FNIP2: variants seen among roughly 807,000 people sequenced by gnomAD.
FNIP2 encodes folliculin interacting protein 2, also known as folliculin-interacting protein 2.
Under a neutral mutation model 108.7 loss-of-function variants are expected in FNIP2, and 32 were observed. The observed-to-expected ratio is 0.29, with a 90% CI of 0.22 to 0.40. The LOEUF (loss-of-function observed/expected upper bound fraction) is 0.40, where lower values mean the gene tolerates loss of function less well. FNIP2 is among the 10% of genes least tolerant of loss of function. The pLI, the probability that FNIP2 is intolerant of heterozygous loss-of-function variation, is 1.00. For synonymous variants in FNIP2, 480 were observed against 496.7 expected (o/e 0.97, Z 0.45); for missense variants, 1,202 against 1,381.6 (o/e 0.87, Z 2.06).
In FNIP2 at chr4:158,861,434, G is replaced by T. The variant is rs745570175; in HGVS notation, c.1241G>T (p.Cys414Phe). Reference protein sequence around the residue: ...MSGTLEKNQLCQRFLKEFTLL... With the variant: ...MSGTLEKNQLFQRFLKEFTLL... ...GGCACTTTGGAAAAAAACCAGCTCT[G>T]CCAGCGCTTTCTCAAGGAGTTTACA... is the stretch of plus-strand genomic sequence containing the variant. Residue 414 changes from cysteine to phenylalanine, a missense_variant, in exon 11 of 17, where the codon TGC (cysteine) becomes TTC (phenylalanine). This residue lies in a region of FNIP2 where 878 missense variants were observed against 990.3 expected (regional missense o/e 0.89). Transcript: ENST00000264433. The T allele has an allele frequency of 1.2e-6, 2 of 1,614,000 alleles. No homozygotes were observed. Among genetic ancestry groups the T allele is most frequent in the Admixed American group, 1.7e-5 (1 of 60,028 alleles).
rs760448028 is a variant in FNIP2 at position 158,833,724 on chromosome 4, T to TG, written c.655+97dup. Reference sequence around the variant, plus strand: ...TGAGTTTGTCGTGGGTTTTTTTTTTTGCGTTATCTTTAATCTGTGTTTATT... The same window carrying TG: ...TGAGTTTGTCGTGGGTTTTTTTTTTTGGCGTTATCTTTAATCTGTGTTTATT... On this transcript the variant is annotated intron_variant, in intron 6 of 16. Coordinates refer to ENST00000264433, the MANE Select transcript of FNIP2 (RefSeq NM_020840.3). 8 of 1,441,854 alleles carry TG rather than the reference T, an allele frequency of 5.5e-6. No homozygotes were observed. The South Asian group carries it at 8.4e-5, about 15-fold the overall frequency. 89.3% of individuals were successfully genotyped at this position (1,441,854 alleles called of 1,614,324 possible).
Position 158,861,342 on chromosome 4 carries a change from A to G in FNIP2, c.1149A>G (p.Arg383=), listed in dbSNP as rs148564109. 1,908 of 1,612,584 alleles carry G rather than the reference A, an allele frequency of 1.2e-3. 14 individuals carry two copies. In the African/African-American group the frequency reaches 0.021, roughly 18 times the overall value. The change falls in exon 11 of 17, where the codon AGA becomes AGG. Residue 383 remains arginine (R), a splice_region_variant and synonymous_variant. Coordinates refer to ENST00000264433, the MANE Select transcript of FNIP2 (RefSeq NM_020840.3). ...SRLMEALGEF[R]GTIWNLYSVP... ...GTTTCCCTCTCTTTCTGTTCTATAG[A>G]GGAACTATCTGGAACTTATATTCTG...
At chr4:158,830,090 C>G (rs1778383598) in intron 3 of FNIP2, among the ~76,000 whole-genome samples, 1 of 151,846 alleles carries the variant, frequency 6.6e-6, no homozygotes, top group Non-Finnish European at 1.5e-5. Flanking sequence ...CCTTGTACCC[C>G]AAGAAAAAGC....
chr4:158,890,879 G>A (rs1042800732), intron 14 of FNIP2, among the ~76,000 whole-genome samples: 9 of 152,152 alleles, frequency 5.9e-5, no homozygotes, highest in Non-Finnish European at 1.3e-4. Context: ...AATTCCCAGG[G>A]AAGGAGCATC....
intron 14 of FNIP2, among the ~76,000 whole-genome samples, chr4:158,888,914 A>G (rs1013332567): frequency 3.9e-5 from 6 of 152,034 alleles, no homozygotes; most frequent in African/African-American, 1.4e-4. Context: ...TGGAGGCCAA[A>G]TGTAGTGGCT....
At chr4:158,789,620 T>A (rs1776337256) in intron 1 of FNIP2, among the ~76,000 whole-genome samples, 1 of 152,190 alleles carries the variant, frequency 6.6e-6, no homozygotes, top group Non-Finnish European at 1.5e-5. Flanking sequence ...ATTGTTAGAG[T>A]ACAAGAATGA....
chr4:158,901,718 G>A (rs1010613832), intron 16 of FNIP2, among the ~76,000 whole-genome samples: 5 of 151,484 alleles, frequency 3.3e-5, no homozygotes, highest in Admixed American at 2.6e-4. Flanking sequence ...TTGTCTTCAC[G>A]CTTTATTTCA....
intron 7 of FNIP2, among the ~76,000 whole-genome samples, chr4:158,838,237 T>A (rs1778919528): frequency 6.6e-6 from 1 of 150,520 alleles, no homozygotes; most frequent in East Asian, 1.9e-4. Flanking sequence ...TGCTTTTTTT[T>A]TTTTTTTTTT....
intron 1 of FNIP2, among the ~76,000 whole-genome samples, chr4:158,805,768 A>C (rs531205526): frequency 2.0e-5 from 3 of 152,360 alleles, no homozygotes; most frequent in Admixed American, 6.5e-5. Flanking sequence ...AAGTCACTGC[A>C]TTGCCCAGAG....
intron 1 of FNIP2, among the ~76,000 whole-genome samples, chr4:158,799,605 C>T (rs1428003679): frequency 2.0e-5 from 3 of 152,204 alleles, no homozygotes; most frequent in Non-Finnish European, 4.4e-5. Context: ...GCTCAGCTTC[C>T]AACTTCTTAA....
At position 158,835,450 on chromosome 4, in the gene FNIP2, A is replaced by G; in HGVS notation, c.701A>G (p.Asp234Gly). The G allele has an allele frequency of 1.2e-6, 2 of 1,612,634 alleles. No homozygotes were observed. Among genetic ancestry groups the G allele is most frequent in the Non-Finnish European group, 1.7e-6 (2 of 1,179,076 alleles). The change falls in exon 7 of 17, where the codon GAC (aspartate) becomes GGC (glycine). Residue 234 changes from aspartate to glycine, a missense_variant. Physicochemically the swap from Asp to Gly is moderately conservative, Grantham distance 94 (BLOSUM62 -1). Around this residue, in one of 5 missense-constraint regions of FNIP2, gnomAD observed 878 missense variants for 990.3 expected, o/e 0.89. Coordinates refer to ENST00000264433, the MANE Select transcript of FNIP2 (RefSeq NM_020840.3). ...ATGCCAAGCAGAGGACAGAATGAAG[A>G]CAGGGACAGTGGCATTGCTCGATCA... The part of the protein sequence containing the change: ...VDMPSRGQNE[D>G]RDSGIARSAS...
At chr4:158,804,726 G>A (rs906196157) in intron 1 of FNIP2, among the ~76,000 whole-genome samples, 1 of 152,140 alleles carries the variant, frequency 6.6e-6, no homozygotes, top group Non-Finnish European at 1.5e-5. Context: ...GCTTGTATAA[G>A]TAATCTTTTG....
At chr4:158,883,220 C>T (rs1329890725) in intron 14 of FNIP2, among the ~76,000 whole-genome samples, 1 of 151,148 alleles carries the variant, frequency 6.6e-6, no homozygotes, top group Admixed American at 6.6e-5. Flanking sequence ...TGCCTGTTCC[C>T]TTTGTGTGTG....
At chr4:158,900,901 CGTTA>C (rs1729175428) in intron 16 of FNIP2, among the ~76,000 whole-genome samples, 1 of 152,074 alleles carries the variant, frequency 6.6e-6, no homozygotes. Flanking sequence ...TTTTTTTGCC[CGTTA>C]GTTGATGCAG....
At chr4:158,901,502 T>G (rs146995206) in intron 16 of FNIP2, among the ~76,000 whole-genome samples, 2,487 of 152,180 alleles carry the variant, frequency 0.016, 23 homozygotes, top group Non-Finnish European at 0.028. Context: ...CTTTGTGGTG[T>G]TCTCTGTATT....
Position 158,869,236 on chromosome 4 carries a change from G to A in FNIP2, c.2600G>A (p.Gly867Asp), listed in dbSNP as rs1780781124. ...CAGCGGGGCCCTGGCCTCGTGGCTG[G>A]TGCGAATATCCCCTGTGGGGATGAC... Reference protein sequence around the residue: ...CVQRGPGLVAGANIPCGDDNK... With the variant: ...CVQRGPGLVADANIPCGDDNK... Residue 867 changes from glycine to aspartate, a missense_variant, in exon 13 of 17, where the codon GGT becomes GAT. This residue lies in a region of FNIP2 where 878 missense variants were observed against 990.3 expected (regional missense o/e 0.89). Transcript: ENST00000264433. 3.7e-6 allele frequency: 6 copies of A among 1,614,064 alleles called. No individual in the cohort carries two copies. The highest frequency in any genetic ancestry group is 5.1e-6 in the Non-Finnish European group (6 of 1,179,894).
intron 14 of FNIP2, among the ~76,000 whole-genome samples, chr4:158,873,553 A>T (rs1286811817): frequency 6.6e-6 from 1 of 152,160 alleles, no homozygotes; most frequent in East Asian, 1.9e-4. Flanking sequence ...TTTTTCTCTC[A>T]TTGAGAGATT....
intron 7 of FNIP2, among the ~76,000 whole-genome samples, chr4:158,845,111 A>G (rs1321636690): frequency 6.6e-6 from 1 of 152,248 alleles, no homozygotes; most frequent in Admixed American, 6.5e-5. Context: ...TTTGCAACCT[A>G]TATGCATTAA....
At chr4:158,823,289 G>A (rs960202243) in intron 1 of FNIP2, among the ~76,000 whole-genome samples, 4 of 151,840 alleles carry the variant, frequency 2.6e-5, no homozygotes, top group African/African-American at 7.3e-5. Flanking sequence ...ATTTAGAGAC[G>A]GAATCTCCCT....
Sources: allele counts gnomAD v4.1 joint callset (sites outside exome capture counted in the v4.1 genomes callset), GRCh38; gene constraint gnomAD v4.1.1; regional missense constraint gnomAD v4.1.1; transcripts MANE v1.5; gene names NCBI Gene and HGNC (gene_info 2026-07-23, HGNC 2026-07-21).